BSND: variants seen among roughly 807,000 people sequenced by gnomAD.
BSND encodes the protein barttin CLCNK type accessory subunit beta.
In BSND, 13 loss-of-function variants were observed where a neutral mutation model predicts 18.8. The ratio of observed to expected loss-of-function variants is 0.69; its 90% CI spans 0.45 to 1.10. The LOEUF (loss-of-function observed/expected upper bound fraction) is 1.10, where lower values mean the gene tolerates loss of function less well. Ranked by LOEUF, BSND falls within the 50% of genes least tolerant of loss-of-function variation. The pLI is 0.00. For synonymous variants in BSND, 170 were observed against 161.8 expected (o/e 1.05, Z -0.39); for missense variants, 379 against 416.7 (o/e 0.91, Z 0.79).
chr1:54,999,246 C>A lies in BSND; in HGVS notation c.60C>A (p.Ala20=). Residue 20 remains alanine (A), a synonymous_variant, in exon 1 of 4, where the codon GCC becomes GCA. Transcript: ENST00000651561. ...GFIVLGLFLL[A]LGTFLMSHDR... ...TTGTGCTGGGGCTTTTCCTGCTGGC[C>A]CTCGGTACGTTCCTCATGAGCCATG... The A allele has an allele frequency of 6.2e-7, 1 of 1,614,166 alleles. No individual in the cohort carries two copies. Among genetic ancestry groups the A allele is most frequent in the Non-Finnish European group, 8.5e-7 (1 of 1,180,024 alleles).
chr1:55,003,876 A>T (rs1302674752), intron 1 of BSND, among the ~76,000 whole-genome samples: 1 of 152,256 alleles, frequency 6.6e-6, no homozygotes, highest in African/African-American at 2.4e-5. Flanking sequence ...GTAACATAAA[A>T]GTTAGTGTCT....
At chr1:55,007,343 C>A in intron 3 of BSND, 71 bp downstream of exon 3, 1 of 919,582 alleles carries the variant, frequency 1.1e-6, no homozygotes, top group Non-Finnish European at 1.5e-6. Flanking sequence ...AGTGGGGGAC[C>A]GCCGAGGGGT....
At chr1:55,004,365 A>G (rs111377728) in intron 1 of BSND, among the ~76,000 whole-genome samples, 6,572 of 152,266 alleles carry the variant, frequency 0.043, 431 homozygotes, top group African/African-American at 0.15. Context: ...AAGAGAGATG[A>G]CCTGCCTAGG....
At position 55,015,690 on chromosome 1, in the gene BSND, C is replaced by T. The variant is rs1259235171; in HGVS notation, c.*7062C>T. Among the ~76,000 whole-genome samples, 1 of 152,082 alleles carries T rather than the reference C, an allele frequency of 6.6e-6. No homozygotes were observed. The highest frequency in any genetic ancestry group is 1.5e-5 in the Non-Finnish European group (1 of 67,946). On this transcript the variant is annotated 3_prime_UTR_variant, in exon 4 of 4. Coordinates refer to ENST00000651561, the MANE Select transcript of BSND (RefSeq NM_057176.3). ...ACACTATGCACCTGCTTTGTGCCAC[C>T]CCCTGTGCTAGGTACTGGGGGAAGA...
chr1:55,004,916 C>A, intron 1 of BSND, 106 bp from the exon 2 acceptor site: 1 of 1,039,152 alleles, frequency 9.6e-7, no homozygotes, highest in Non-Finnish European at 1.5e-6. Flanking sequence ...CTCCGTGGTG[C>A]AGCCTGTCTC....
intron 3 of BSND, 78 bp downstream of exon 3, chr1:55,007,350 G>A (rs1644396871): frequency 1.4e-6 from 2 of 1,421,894 alleles, no homozygotes; most frequent in African/African-American, 1.4e-5. Context: ...GACCGCCGAG[G>A]GGTGGGTGGG....
rs1644435973 is a variant in BSND, at chr1:55,013,979, C to T, written c.*5351C>T. Among the ~76,000 whole-genome samples, 3 of 152,192 alleles carry T rather than the reference C, an allele frequency of 2.0e-5. No homozygotes were observed. The highest frequency in any genetic ancestry group is 1.3e-4 in the Admixed American group (2 of 15,290). ...GAGCCTGAATTAGCCCTGCTCTCCC[C>T]TTCCACGGTGGAATCCATCTCCACT... On this transcript the variant is annotated 3_prime_UTR_variant, in exon 4 of 4. Coordinates refer to ENST00000651561, the MANE Select transcript of BSND (RefSeq NM_057176.3).
rs775406885 is a variant in BSND at position 55,007,153 on chromosome 1, C to T, written c.429C>T (p.Thr143=). 9.9e-6 allele frequency: 16 copies of T among 1,614,086 alleles called. No individual in the cohort carries two copies. In the Admixed American group the frequency reaches 1.8e-4, roughly 18 times the overall value. ...APEMGQPKLG[T]SDGGEGGPGD... is the part of the protein sequence containing the mutation. ...AGATGGGGCAGCCGAAGCTGGGAACCAGTGATGGAGGAGAAGGTGGCCCTG... is the reference window on the plus strand; with the variant it reads ...AGATGGGGCAGCCGAAGCTGGGAACTAGTGATGGAGGAGAAGGTGGCCCTG... The change falls in exon 3 of 4, where the codon ACC becomes ACT. Residue 143 remains threonine (T), a synonymous_variant. Transcript: ENST00000651561.
chr1:55,016,347 T>C lies in BSND; in HGVS notation c.*7719T>C, dbSNP rs1232757468. Among the ~76,000 whole-genome samples, 4 of 152,166 alleles carry C rather than the reference T, an allele frequency of 2.6e-5. No homozygotes were observed. The highest frequency in any genetic ancestry group is 9.7e-5 in the African/African-American group (4 of 41,428). ...GAAACAAATGAAAACATGGTTAACCTCAGGGGAATGCAAATTAAAACAAGA... is the reference window on the plus strand; with the variant it reads ...GAAACAAATGAAAACATGGTTAACCCCAGGGGAATGCAAATTAAAACAAGA... On this transcript the variant is annotated 3_prime_UTR_variant, in exon 4 of 4. Coordinates refer to ENST00000651561, the MANE Select transcript of BSND (RefSeq NM_057176.3).
chr1:55,000,086 A>G (rs1308897722), intron 1 of BSND, among the ~76,000 whole-genome samples: 1 of 152,140 alleles, frequency 6.6e-6, no homozygotes, highest in African/African-American at 2.4e-5. Flanking sequence ...TCATCTGCAA[A>G]TGAGATCCCT....
chr1:55,003,382 A>G (rs1297089728), intron 1 of BSND, among the ~76,000 whole-genome samples: 1 of 152,124 alleles, frequency 6.6e-6, no homozygotes, highest in African/African-American at 2.4e-5. Flanking sequence ...CACCACATCC[A>G]GCTAAATTTG....
chr1:55,010,725 T>C lies in BSND; in HGVS notation c.*2097T>C. On this transcript the variant is annotated 3_prime_UTR_variant, in exon 4 of 4. Transcript: ENST00000651561. ...ACAGGGTACACCCTCTCTGCTGTCA[T>C]GACTCAGGACAGGAGTTCCTGGTCA... 1 of 152,266 alleles carries C rather than the reference T, an allele frequency of 6.6e-6. No individual in the cohort carries two copies. The highest frequency in any genetic ancestry group is 1.5e-5 in the Non-Finnish European group (1 of 68,080). 9.4% of individuals were successfully genotyped at this position (152,266 alleles called of 1,614,324 possible). A position where few individuals can be genotyped will look rare whatever the true frequency, so the allele number is the denominator to read the frequency against.
rs1644424805 is a variant in BSND at position 55,012,076 on chromosome 1, C to CT, written c.*3449dup. Among the ~76,000 whole-genome samples, 1 of 152,176 alleles carries CT rather than the reference C, an allele frequency of 6.6e-6. No homozygotes were observed. The highest frequency in any genetic ancestry group is 2.4e-5 in the African/African-American group (1 of 41,444). On this transcript the variant is annotated 3_prime_UTR_variant, in exon 4 of 4. Transcript: ENST00000651561. ...TCCACCCTCTGGAGAGGGAAAGGCCCTGGAGGGATGGCCCCTGCCCTTAAC... is the reference window on the plus strand; with the variant it reads ...TCCACCCTCTGGAGAGGGAAAGGCCCTTGGAGGGATGGCCCCTGCCCTTAAC...
rs1157076701 is a variant in BSND, at chr1:55,015,588, TG to T, written c.*6965del. On this transcript the variant is annotated 3_prime_UTR_variant, in exon 4 of 4. Transcript: ENST00000651561. ...GCTTTGGGGATCAGATCAGCAAGCC[TG>T]GGGGTAAGGAGGGCTAGATTTTATC... is the stretch of plus-strand genomic sequence containing the variant. Among the ~76,000 whole-genome samples, 1 of 152,232 alleles carries T rather than the reference TG, an allele frequency of 6.6e-6. No individual in the cohort carries two copies. The highest frequency in any genetic ancestry group is 1.5e-5 in the Non-Finnish European group (1 of 68,040).
chr1:55,015,070 G>A lies in BSND; in HGVS notation c.*6442G>A, dbSNP rs929458374. On this transcript the variant is annotated 3_prime_UTR_variant, in exon 4 of 4. Transcript: ENST00000651561. ...ACGGAGCTCAGATTTGTTCTGATGG[G>A]CAAGGGGGATTAATTGATGATTCTT... Among the ~76,000 whole-genome samples, 1 of 152,192 alleles carries A rather than the reference G, an allele frequency of 6.6e-6. No individual in the cohort carries two copies. The highest frequency in any genetic ancestry group is 2.1e-4 in the South Asian group (1 of 4,832).
rs1156752887 is a variant in BSND, at chr1:54,999,181, G to A, written c.-6G>A. ...GGTGTGCAGGCCAGGGACTGGCCAG[G>A]CAGCCATGGCTGACGAGAAGACCTT... is the stretch of plus-strand genomic sequence containing the variant. On this transcript the variant is annotated 5_prime_UTR_variant, in exon 1 of 4. Transcript: ENST00000651561. 5 of 1,613,890 alleles carry A rather than the reference G, an allele frequency of 3.1e-6. No homozygotes were observed. The highest frequency in any genetic ancestry group is 3.4e-6 in the Non-Finnish European group (4 of 1,180,032).
At chr1:55,004,895 AG>A (rs1644381799) in intron 1 of BSND, 126 bp from the exon 2 acceptor site, 1 of 827,058 alleles carries the variant, frequency 1.2e-6, no homozygotes, top group Non-Finnish European at 2.0e-6. Context: ...TCTCCTGTCA[AG>A]CAGGGAGGCC....
In BSND at chr1:55,007,151, A is replaced by G; in HGVS notation, c.427A>G (p.Thr143Ala). 6.2e-7 allele frequency: 1 copy of G among 1,614,178 alleles called. No homozygotes were observed. Among genetic ancestry groups the G allele is most frequent in the Non-Finnish European group, 8.5e-7 (1 of 1,180,026 alleles). The change falls in exon 3 of 4, where the codon ACC (threonine) becomes GCC (alanine). Residue 143 changes from threonine to alanine, a missense_variant. Physicochemically the swap from Thr to Ala is moderately conservative, Grantham distance 58 (BLOSUM62 0). Transcript: ENST00000651561. ...TGAGATGGGGCAGCCGAAGCTGGGA[A>G]CCAGTGATGGAGGAGAAGGTGGCCC... ...APEMGQPKLGTSDGGEGGPGD... is the reference protein window; with the variant it reads ...APEMGQPKLGASDGGEGGPGD...
chr1:54,999,518 CCCATCCATCCATCCAT>C (rs375479641), intron 1 of BSND, among the ~76,000 whole-genome samples, 155 bp downstream of exon 1: 93 of 148,862 alleles, frequency 6.2e-4, no homozygotes, highest in Admixed American at 3.7e-3. Flanking sequence ...GAGCGTCTGT[CCCATCCATCCATCCAT>C]CCATCCATCC....
Sources: allele counts gnomAD v4.1 joint callset (sites outside exome capture counted in the v4.1 genomes callset), GRCh38; gene constraint gnomAD v4.1.1; transcripts MANE v1.5; gene names NCBI Gene and HGNC (gene_info 2026-07-23, HGNC 2026-07-21).